Variants in WDR17 observed in about 807,000 individuals in gnomAD.
WDR17 encodes the protein WD repeat-containing protein 17.
WDR17 carries 143 observed loss-of-function variants against 161.7 expected under a neutral mutation model. The observed-to-expected ratio is 0.88, with a 90% CI of 0.77 to 1.02. WDR17 has a LOEUF of 1.02. WDR17 is among the 50% of genes least tolerant of loss of function. WDR17 has a pLI of 0.00. For missense variants in WDR17, 1,469 were observed against 1,520.9 expected, an observed-to-expected ratio of 0.97 and a Z score of 0.57; for synonymous variants, 517 against 515.6, an observed-to-expected ratio of 1.00 and a Z score of -0.04.
intron 1 of WDR17, chr4:176,111,364 C>T: frequency 5.8e-6 from 2 of 346,570 alleles, no homozygotes; most frequent in South Asian, 1.9e-4. Flanking sequence ...ATCATATTTC[C>T]TGCTTTCCTC....
chr4:176,099,121 A>C (rs999756402), intron 1 of WDR17, among the ~76,000 whole-genome samples: 2 of 152,182 alleles, frequency 1.3e-5, no homozygotes, highest in Admixed American at 6.6e-5. Flanking sequence ...TTTCTAGTTC[A>C]GTATGTAAGC....
intron 3 of WDR17, among the ~76,000 whole-genome samples, chr4:176,117,040 A>G (rs1275130290): frequency 6.6e-6 from 1 of 151,960 alleles, no homozygotes; most frequent in Non-Finnish European, 1.5e-5. Flanking sequence ...AGAACAACCA[A>G]TGTATTAGAC....
chr4:176,139,377 A>G (rs1744898676), intron 9 of WDR17, among the ~76,000 whole-genome samples: 1 of 148,494 alleles, frequency 6.7e-6, no homozygotes. Flanking sequence ...GCAGAAAATC[A>G]AGCAAATATA....
At position 176,075,065 on chromosome 4, in the gene WDR17, A is replaced by C. The variant is rs533086517; in HGVS notation, c.-7+8986A>C. Among the ~76,000 whole-genome samples the C allele has an allele frequency of 1.1e-3, 163 of 152,018 alleles. 4 individuals are homozygous for C. The South Asian group carries it at 0.03, about 28-fold the overall frequency. On this transcript the variant is annotated intron_variant, in intron 1 of 28. Transcript: ENST00000508596. ...TTAAATGCAGAAACATAAGTCTGACATGCCTTTTAAATTAACTACATAGAC... is the reference window on the plus strand; with the variant it reads ...TTAAATGCAGAAACATAAGTCTGACCTGCCTTTTAAATTAACTACATAGAC...
In WDR17 at chr4:176,146,007, C is replaced by A. The variant is rs149339617; in HGVS notation, c.1542C>A (p.Ala514=). Residue 514 remains alanine, a synonymous_variant, in exon 12 of 29, where the codon GCC becomes GCA. Coordinates refer to ENST00000508596, the MANE Select transcript of WDR17 (RefSeq NM_181265.4). ...GATGATATTTCAGAGACATGATAGC[C>A]ACTGGCTGTGAAGACACAAATGTTC... ...DWSQNNKDMI[A]TGCEDTNVRV... is the part of the protein sequence containing the mutation. 1.1e-5 allele frequency: 17 copies of A among 1,613,060 alleles called. No individual in the cohort carries two copies. The Admixed American group carries it at 2.5e-4, about 24-fold the overall frequency.
At chr4:176,123,740 T>C (rs1419129403) in intron 4 of WDR17, among the ~76,000 whole-genome samples, 1 of 152,214 alleles carries the variant, frequency 6.6e-6, no homozygotes, top group Non-Finnish European at 1.5e-5. Context: ...TCTGCTTCTT[T>C]TGGGTTTTTA....
At position 176,080,037 on chromosome 4, in the gene WDR17, A is replaced by G. The variant is rs368768828; in HGVS notation, c.-7+13958A>G. On this transcript the variant is annotated intron_variant, in intron 1 of 28. Transcript: ENST00000508596. ...TCAATTTTAAAGGCCCCACGTTTCAATGCTGCCACATTGGGGATTAAGTTT... is the reference window on the plus strand; with the variant it reads ...TCAATTTTAAAGGCCCCACGTTTCAGTGCTGCCACATTGGGGATTAAGTTT... Among the ~76,000 whole-genome samples, 25 of 152,190 alleles carry G rather than the reference A, an allele frequency of 1.6e-4. No individual in the cohort carries two copies. The East Asian group carries it at 1.9e-3, about 12-fold the overall frequency.
At chr4:176,135,366 C>A in intron 8 of WDR17, 90 bp downstream of exon 8, 1 of 1,411,206 alleles carries the variant, frequency 7.1e-7, no homozygotes, top group Non-Finnish European at 1.0e-6. Context: ...CTCTTGATCT[C>A]ATCTTGTTCT....
At chr4:176,148,515 G>C (rs1453689898) in intron 13 of WDR17, among the ~76,000 whole-genome samples, 180 bp downstream of exon 13, 1 of 152,182 alleles carries the variant, frequency 6.6e-6, no homozygotes, top group Non-Finnish European at 1.5e-5. Context: ...AGAAGAAAAA[G>C]TCAACAAAAA....
chr4:176,078,056 T>G (rs1311087647), intron 1 of WDR17, among the ~76,000 whole-genome samples: 4 of 152,106 alleles, frequency 2.6e-5, no homozygotes, highest in Admixed American at 2.0e-4. Flanking sequence ...TTTGTCTATA[T>G]TATTCTACTC....
rs35130339 is a variant in WDR17, at chr4:176,097,742, T to TACACAC, written c.-6-13809_-6-13804dup. Among the ~76,000 whole-genome samples the TACACAC allele has an allele frequency of 1.7e-3, 244 of 143,240 alleles. 1 individual carries two copies. Among genetic ancestry groups the TACACAC allele is most frequent in the Non-Finnish European group, 2.6e-3 (169 of 65,572 alleles). The allele number at this position is 143,240 out of a possible 152,430, so 94.0% of individuals were successfully genotyped here. On this transcript the variant is annotated intron_variant, in intron 1 of 28. Coordinates refer to ENST00000508596, the MANE Select transcript of WDR17 (RefSeq NM_181265.4). ...ACTTACACACACACACACACACACA[T>TACACAC]ACACACACACACACACACACACACA...
chr4:176,179,162 C>T (rs1235128942), intron 28 of WDR17, among the ~76,000 whole-genome samples: 3 of 152,082 alleles, frequency 2.0e-5, no homozygotes, highest in South Asian at 2.1e-4. Flanking sequence ...GTGGCAGTTA[C>T]CAGATTAACA....
chr4:176,131,835 T>C, intron 7 of WDR17, 97 bp downstream of exon 7: 1 of 994,384 alleles, frequency 1.0e-6, no homozygotes. Flanking sequence ...GAAATTATTT[T>C]TGTAAGTAAT....
intron 9 of WDR17, 46 bp from the exon 10 acceptor site, chr4:176,139,846 A>AG (rs1744971432): frequency 6.8e-7 from 1 of 1,462,470 alleles, no homozygotes; most frequent in Admixed American, 1.9e-5. Flanking sequence ...AAGAGAAAAA[A>AG]GGGGTGAATT....
chr4:176,152,796 A>C (rs576541776), intron 17 of WDR17, among the ~76,000 whole-genome samples: 4 of 147,002 alleles, frequency 2.7e-5, no homozygotes, highest in African/African-American at 7.6e-5. Flanking sequence ...TTAGCCCAGC[A>C]TGGTGGCGTA....
At chr4:176,155,735 A>ATATATATATATATATG (rs1457008509) in intron 17 of WDR17, among the ~76,000 whole-genome samples, 3 of 146,660 alleles carry the variant, frequency 2.0e-5, no homozygotes, top group Non-Finnish European at 4.5e-5. Flanking sequence ...ATATATATAT[A>ATATATATATATATATG]TGTTTTGGTA....
chr4:176,152,225 G>T (rs114279882), intron 17 of WDR17, among the ~76,000 whole-genome samples: 113 of 148,300 alleles, frequency 7.6e-4, no homozygotes, highest in Middle Eastern at 3.6e-3. Context: ...AGCCCAGGAG[G>T]CAGAGGTTGC....
intron 11 of WDR17, among the ~76,000 whole-genome samples, chr4:176,142,744 A>G (rs1745477779): frequency 6.6e-6 from 1 of 152,246 alleles, no homozygotes; most frequent in African/African-American, 2.4e-5. Flanking sequence ...GTTATTTTGT[A>G]TGAAATGTGG....
At position 176,128,880 on chromosome 4, in the gene WDR17, A is replaced by G; in HGVS notation, c.913+20A>G. 1 of 1,538,088 alleles carries G rather than the reference A, an allele frequency of 6.5e-7. No individual in the cohort carries two copies. The stretch of plus-strand genomic sequence containing the variant: ...AAAAGTGTAAGTAAAAATGTTATCA[A>G]AATTTTAATTTTTAAAAAATATTGT... On this transcript the variant is annotated intron_variant, in intron 6 of 28. Transcript: ENST00000508596.
Sources: allele counts gnomAD v4.1 joint callset (sites outside exome capture counted in the v4.1 genomes callset), GRCh38; gene constraint gnomAD v4.1.1; transcripts MANE v1.5; gene names NCBI Gene and HGNC (gene_info 2026-07-23, HGNC 2026-07-21).